Variants in TRAF3IP1 observed in about 807,000 individuals in gnomAD.
TRAF3IP1 encodes the protein TRAF3-interacting protein 1.
TRAF3IP1 carries 53 observed loss-of-function variants against 89.9 expected under a neutral mutation model. The ratio of observed to expected loss-of-function variants is 0.59; its 90% CI spans 0.47 to 0.74. The LOEUF (loss-of-function observed/expected upper bound fraction) is 0.74, where lower values mean the gene tolerates loss of function less well. Among genes scored for constraint, TRAF3IP1 ranks in the 30% least tolerant of loss-of-function variants. The pLI is 0.00. For synonymous variants in TRAF3IP1, 311 were observed against 322.1 expected (o/e 0.97, Z 0.37); for missense variants, 806 against 866.1 (o/e 0.93, Z 0.87).
intron 12 of TRAF3IP1, among the ~76,000 whole-genome samples, chr2:238,352,115 C>A (rs1699199258): frequency 6.6e-6 from 1 of 151,962 alleles, no homozygotes; most frequent in African/African-American, 2.4e-5. Flanking sequence ...AGGAGTGGGG[C>A]AGCTGTAGGT....
At chr2:238,340,825 GTGTGTGTGTATATA>G (rs1698608457) in intron 8 of TRAF3IP1, among the ~76,000 whole-genome samples, 1 of 95,412 alleles carries the variant, frequency 1.0e-5, no homozygotes, top group Admixed American at 1.1e-4. Context: ...GTGTGTGTGT[GTGTGTGTGTATATA>G]TATATATAGA....
chr2:238,353,516 T>C (rs1011509746), intron 14 of TRAF3IP1, among the ~76,000 whole-genome samples: 23 of 152,182 alleles, frequency 1.5e-4, no homozygotes, highest in African/African-American at 4.3e-4. Flanking sequence ...AAGTAGATGA[T>C]CTCTGAGGCC....
At chr2:238,340,812 CGTGT>C (rs71414327) in intron 8 of TRAF3IP1, among the ~76,000 whole-genome samples, 8,450 of 149,372 alleles carry the variant, frequency 0.057, 361 homozygotes, top group African/African-American at 0.11. Flanking sequence ...TACAGTTATG[CGTGT>C]GTGTGTGTGT....
At chr2:238,375,390 C>T (rs1429238337) in intron 15 of TRAF3IP1, among the ~76,000 whole-genome samples, 1 of 152,162 alleles carries the variant, frequency 6.6e-6, no homozygotes, top group Non-Finnish European at 1.5e-5. Flanking sequence ...GTTATGTACC[C>T]AGTAGTCATT....
At chr2:238,341,382 A>C (rs1248943678) in intron 8 of TRAF3IP1, among the ~76,000 whole-genome samples, 1 of 152,098 alleles carries the variant, frequency 6.6e-6, no homozygotes, top group Non-Finnish European at 1.5e-5. Context: ...CTAACACTTT[A>C]TCTCTAAATA....
intron 15 of TRAF3IP1, among the ~76,000 whole-genome samples, chr2:238,393,691 A>G (rs200619484): frequency 5.3e-5 from 8 of 152,212 alleles, no homozygotes; most frequent in Admixed American, 5.2e-4. Flanking sequence ...GATTAGGTCA[A>G]CGTTTTGTTT....
intron 1 of TRAF3IP1, among the ~76,000 whole-genome samples, chr2:238,323,042 G>A (rs1188616652): frequency 6.6e-6 from 1 of 151,626 alleles, no homozygotes; most frequent in Non-Finnish European, 1.5e-5. Flanking sequence ...TGGATACTGT[G>A]ACGTTAATGT....
intron 15 of TRAF3IP1, among the ~76,000 whole-genome samples, chr2:238,381,330 G>C (rs1176271303): frequency 6.6e-6 from 1 of 152,170 alleles, no homozygotes; most frequent in African/African-American, 2.4e-5. Flanking sequence ...ACTTGCAGAT[G>C]GGGCTGGATT....
intron 5 of TRAF3IP1, 111 bp downstream of exon 5, chr2:238,329,453 C>A: frequency 2.1e-6 from 2 of 953,994 alleles, no homozygotes; most frequent in Non-Finnish European, 2.8e-6. Flanking sequence ...TTCTTTTATG[C>A]CTATTTAAAA....
Position 238,389,748 on chromosome 2 carries a change from AAATAAT to A in TRAF3IP1, c.1690-7685_1690-7680del, listed in dbSNP as rs71905391. ...GGGTGACAGAGTGAGACTCCATCTC[AAATAAT>A]AATAATAATAATAATAATAATAATA... On this transcript the variant is annotated intron_variant, in intron 15 of 16. Coordinates refer to ENST00000373327, the MANE Select transcript of TRAF3IP1 (RefSeq NM_015650.4). Among the ~76,000 whole-genome samples the A allele has an allele frequency of 1.2e-3, 179 of 146,302 alleles. 1 individual carries two copies. The highest frequency in any genetic ancestry group is 0.011 in the Middle Eastern group (3 of 276).
chr2:238,384,483 C>T (rs1174080700), intron 15 of TRAF3IP1, among the ~76,000 whole-genome samples: 2 of 151,640 alleles, frequency 1.3e-5, no homozygotes, highest in African/African-American at 4.9e-5. Flanking sequence ...AGTAATTCTC[C>T]TGCCTCAGCC....
chr2:238,349,334 T>G lies in TRAF3IP1; in HGVS notation c.1377T>G (p.Pro459=). ...NELSSNIRRI[P]RPGSARPAPP... Reference sequence around the variant, plus strand: ...CAATATTTGGGTTTAGAAGAATTCCTCGGCCTGGGAGTGCAAGACCAGCCC... The same window carrying G: ...CAATATTTGGGTTTAGAAGAATTCCGCGGCCTGGGAGTGCAAGACCAGCCC... The change falls in exon 12 of 17, where the codon CCT becomes CCG. Residue 459 remains proline (P), a synonymous_variant. Transcript: ENST00000373327. The G allele has an allele frequency of 6.2e-7, 1 of 1,614,130 alleles. No homozygotes were observed. Among genetic ancestry groups the G allele is most frequent in the South Asian group, 1.1e-5 (1 of 91,078 alleles).
chr2:238,354,023 C>T (rs1699296004), intron 14 of TRAF3IP1, among the ~76,000 whole-genome samples: 1 of 152,254 alleles, frequency 6.6e-6, no homozygotes, highest in South Asian at 2.1e-4. Flanking sequence ...ATCCACCCGC[C>T]TTGGCCTCCC....
intron 3 of TRAF3IP1, among the ~76,000 whole-genome samples, chr2:238,326,929 A>G (rs934419178): frequency 3.9e-5 from 6 of 152,120 alleles, no homozygotes; most frequent in African/African-American, 1.4e-4. Context: ...TAGGCTCCCC[A>G]GCTCCCCTTC....
In TRAF3IP1 at chr2:238,345,054, T is replaced by G. The variant is rs569235211; in HGVS notation, c.1261+456T>G. Among the ~76,000 whole-genome samples the G allele has an allele frequency of 8.5e-5, 13 of 152,166 alleles. No individual in the cohort carries two copies. The highest frequency in any genetic ancestry group is 1.6e-4 in the Non-Finnish European group (11 of 68,032). On this transcript the variant is annotated intron_variant, in intron 9 of 16. Transcript: ENST00000373327. The surrounding 1 kb of genome is among the most constrained non-coding windows in gnomAD (Gnocchi z 4.7). Reference sequence around the variant, plus strand: ...AAATTTTCTCAGCCTTTAAAAAAACTTTGGTAAAATAGCCATTCAATGTTT... The same window carrying G: ...AAATTTTCTCAGCCTTTAAAAAAACGTTGGTAAAATAGCCATTCAATGTTT...
Position 238,398,803 on chromosome 2 carries a change from G to T in TRAF3IP1, c.1960G>T (p.Glu654Ter), listed in dbSNP as rs1701355469. ...CTTAAAGGCTGAGCTCGCGGAGCTG[G>T]AGCAGCTGATCAAAGACCAGCAAGA... ...EPLKAELAELEQLIKDQQDKI... is the reference protein window; with the variant it reads ...EPLKAELAEL The change falls in exon 17 of 17, where the codon GAG (glutamate) becomes TAG (stop). Residue 654 changes from glutamate (E) to a stop codon, truncating the protein, a stop_gained. Coordinates refer to ENST00000373327, the MANE Select transcript of TRAF3IP1 (RefSeq NM_015650.4). LOFTEE classifies it high-confidence loss of function. 6.2e-7 allele frequency: 1 copy of T among 1,612,988 alleles called. No homozygotes were observed. Among genetic ancestry groups the T allele is most frequent in the Non-Finnish European group, 8.5e-7 (1 of 1,179,622 alleles).
chr2:238,365,614 C>T (rs574551642), intron 15 of TRAF3IP1, among the ~76,000 whole-genome samples: 8 of 151,804 alleles, frequency 5.3e-5, no homozygotes, highest in South Asian at 4.2e-4. Flanking sequence ...GCCAAGCTCG[C>T]GCCACTGCAC....
intron 7 of TRAF3IP1, among the ~76,000 whole-genome samples, chr2:238,334,243 A>G (rs1698279325): frequency 6.6e-6 from 1 of 152,222 alleles, no homozygotes; most frequent in Admixed American, 6.5e-5. Flanking sequence ...TGATGACATC[A>G]GGGCAGAGTA....
At position 238,397,656 on chromosome 2, in the gene TRAF3IP1, C is replaced by T. The variant is rs146496930; in HGVS notation, c.1887C>T (p.Ala629=). 18 of 1,604,580 alleles carry T rather than the reference C, an allele frequency of 1.1e-5. No homozygotes were observed. The Middle Eastern group carries it at 5.0e-4, about 45-fold the overall frequency. ...QMWHSENRQH[A]EALQQEQRIT... ...GGCACAGCGAGAACAGGCAGCACGCCGAGGCCCTGCAGCAGGAGCAGAGGT... is the reference window on the plus strand; with the variant it reads ...GGCACAGCGAGAACAGGCAGCACGCTGAGGCCCTGCAGCAGGAGCAGAGGT... The change falls in exon 16 of 17, where the codon GCC becomes GCT. Residue 629 remains alanine (A), a synonymous_variant. Transcript: ENST00000373327.
Sources: allele counts gnomAD v4.1 joint callset (sites outside exome capture counted in the v4.1 genomes callset), GRCh38; gene constraint gnomAD v4.1.1; non-coding constraint Gnocchi (gnomAD v3.1); transcripts MANE v1.5; gene names NCBI Gene and HGNC (gene_info 2026-07-23, HGNC 2026-07-21).